Variants in UGT3A1 observed in about 807,000 individuals in gnomAD.
The protein encoded by UGT3A1 is UDP glycosyltransferase family 3 member A1.
In UGT3A1, 40 loss-of-function variants were observed where a neutral mutation model predicts 37.6. The ratio of observed to expected loss-of-function variants is 1.06; its 90% confidence interval spans 0.83 to 1.38. The LOEUF is 1.38. Among genes scored for constraint, UGT3A1 ranks in the 40% most tolerant of loss-of-function variants. The pLI, the probability that UGT3A1 is intolerant of heterozygous loss-of-function variation, is 0.00. For missense variants in UGT3A1, 642 were observed against 634.2 expected, an observed-to-expected ratio of 1.01 and a Z score of -0.13; for synonymous variants, 256 against 232.3, an observed-to-expected ratio of 1.10 and a Z score of -0.93.
chr5:35,954,093 C>T lies in UGT3A1; in HGVS notation c.*109G>A, dbSNP rs1739258983. 1 of 1,193,828 alleles carries T rather than the reference C, an allele frequency of 8.4e-7. No homozygotes were observed. Among genetic ancestry groups the T allele is most frequent in the Admixed American group, 2.2e-5 (1 of 44,574 alleles). The allele number at this position is 1,193,828 out of a possible 1,614,324, so 74.0% of individuals were successfully genotyped here. On this transcript the variant is annotated 3_prime_UTR_variant, in exon 7 of 7. Transcript: ENST00000274278. ...AATAGAAAGAAGCAAGTTGCAGGAT[C>T]AGTGGCAGGTGGAGCTGAAGAGAGA...
intron 5 of UGT3A1, among the ~76,000 whole-genome samples, chr5:35,956,296 C>T (rs776391898): frequency 6.6e-6 from 1 of 152,224 alleles, no homozygotes; most frequent in Non-Finnish European, 1.5e-5. Context: ...TTCCGTATTT[C>T]TAGTTCCTGT....
chr5:35,955,574 C>T (rs745552698), intron 6 of UGT3A1, 71 bp downstream of exon 6: 78 of 1,527,338 alleles, frequency 5.1e-5, no homozygotes, highest in Non-Finnish European at 7.0e-5. Context: ...GTGAAAAATA[C>T]ATACACAGTA....
chr5:35,979,755 C>A (rs1740442637), intron 2 of UGT3A1, among the ~76,000 whole-genome samples: 1 of 152,188 alleles, frequency 6.6e-6, no homozygotes, highest in South Asian at 2.1e-4. Context: ...AGTCTGCTTT[C>A]ATGCTGCTGA....
At chr5:35,996,618 C>T (rs1741102451) in intron 2 of UGT3A1, among the ~76,000 whole-genome samples, 1 of 152,188 alleles carries the variant, frequency 6.6e-6, no homozygotes, top group African/African-American at 2.4e-5. Flanking sequence ...CCTCAACATC[C>T]ATAATGCCCA....
At chr5:35,959,705 A>C (rs1388242058) in intron 4 of UGT3A1, among the ~76,000 whole-genome samples, 1 of 152,170 alleles carries the variant, frequency 6.6e-6, no homozygotes, top group East Asian at 1.9e-4. Flanking sequence ...CAATATGTGC[A>C]CTACGAGAGA....
chr5:35,982,473 C>A (rs1168084820), intron 2 of UGT3A1, among the ~76,000 whole-genome samples: 1 of 152,194 alleles, frequency 6.6e-6, no homozygotes, highest in African/African-American at 2.4e-5. Flanking sequence ...GGCTTCCCTG[C>A]TGGGTTTCAG....
rs1739217132 is a variant in UGT3A1 at position 35,952,520 on chromosome 5, G to T, written c.*1682C>A. 2 of 152,160 alleles carry T rather than the reference G, an allele frequency of 1.3e-5. 1 individual carries two copies. The highest frequency in any genetic ancestry group is 4.1e-4 in the South Asian group (2 of 4,830). 9.4% of individuals were successfully genotyped at this position (152,160 alleles called of 1,614,324 possible). A position where few individuals can be genotyped will look rare whatever the true frequency, so the allele number is the denominator to read the frequency against. Reference sequence around the variant, plus strand: ...TTAGGGATGCAAGTTTATACAAGTGGCATAAAGTTGACCTCAATGAATTAC... The same window carrying T: ...TTAGGGATGCAAGTTTATACAAGTGTCATAAAGTTGACCTCAATGAATTAC... On this transcript the variant is annotated 3_prime_UTR_variant, in exon 7 of 7. Coordinates refer to ENST00000274278, the MANE Select transcript of UGT3A1 (RefSeq NM_152404.4).
intron 1 of UGT3A1, among the ~76,000 whole-genome samples, chr5:35,989,665 G>A (rs1740859521): frequency 6.6e-6 from 1 of 152,168 alleles, no homozygotes; most frequent in Non-Finnish European, 1.5e-5. Flanking sequence ...GACTCAAATG[G>A]CTTTCTGGGG....
At chr5:35,977,335 A>G (rs1580945813) in intron 2 of UGT3A1, among the ~76,000 whole-genome samples, 1 of 152,216 alleles carries the variant, frequency 6.6e-6, no homozygotes, top group Admixed American at 6.5e-5. Context: ...TAAACACAAT[A>G]TGAATGAATC....
chr5:35,960,689 A>T (rs1183679372), intron 4 of UGT3A1: 2 of 152,222 alleles, frequency 1.3e-5, no homozygotes, highest in African/African-American at 4.8e-5. Flanking sequence ...TAACCAGCTC[A>T]ACGCCCTCTT....
At chr5:35,982,863 T>C (rs1488845703) in intron 2 of UGT3A1, among the ~76,000 whole-genome samples, 2 of 152,172 alleles carry the variant, frequency 1.3e-5, no homozygotes, top group African/African-American at 4.8e-5. Flanking sequence ...GATTGGATCA[T>C]GTGTGCAGAT....
At chr5:35,989,446 A>T (rs936300165) in intron 1 of UGT3A1, among the ~76,000 whole-genome samples, 1 of 152,218 alleles carries the variant, frequency 6.6e-6, no homozygotes, top group Non-Finnish European at 1.5e-5. Flanking sequence ...CGAGAGTTTG[A>T]GGATGGAGGT....
At chr5:35,977,771 G>A (rs553278215) in intron 2 of UGT3A1, among the ~76,000 whole-genome samples, 2 of 152,180 alleles carry the variant, frequency 1.3e-5, no homozygotes, top group East Asian at 1.9e-4. Flanking sequence ...ATACAATAAC[G>A]TTAATTAAAA....
chr5:35,979,815 G>T (rs1740445522), intron 2 of UGT3A1, among the ~76,000 whole-genome samples: 1 of 152,160 alleles, frequency 6.6e-6, no homozygotes, highest in Admixed American at 6.6e-5. Context: ...GATATTTAAT[G>T]GACTCACAGT....
intron 2 of UGT3A1, among the ~76,000 whole-genome samples, chr5:35,979,217 C>T (rs1740421547): frequency 6.6e-6 from 1 of 152,108 alleles, no homozygotes; most frequent in Non-Finnish European, 1.5e-5. Context: ...CTTGGCTTCT[C>T]CTTACTTATG....
upstream of UGT3A1, among the ~76,000 whole-genome samples, chr5:35,993,959 A>T (rs1171762859): frequency 6.6e-6 from 1 of 152,074 alleles, no homozygotes; most frequent in Non-Finnish European, 1.5e-5. Context: ...GGGAGTTTCC[A>T]CTTGTTTCCT....
chr5:35,962,732 A>G lies in UGT3A1; in HGVS notation c.843+2654T>C, dbSNP rs1739638011. ...TCACAATGAATGGTTCCTTCCTGAG[A>G]CCAAGCCAGTCCTTCATAATTTGGC... On this transcript the variant is annotated intron_variant, in intron 4 of 6. Coordinates refer to ENST00000274278, the MANE Select transcript of UGT3A1 (RefSeq NM_152404.4). 3 of 600,694 alleles carry G rather than the reference A, an allele frequency of 5.0e-6. No homozygotes were observed. In the South Asian group the frequency reaches 6.0e-5, roughly 12 times the overall value. 37.2% of individuals were successfully genotyped at this position (600,694 alleles called of 1,614,324 possible).
At chr5:35,988,682 A>T in intron 1 of UGT3A1, 131 bp from the exon 2 acceptor site, 1 of 674,374 alleles carries the variant, frequency 1.5e-6, no homozygotes, top group Non-Finnish European at 2.5e-6. Context: ...CAGTGAGAAG[A>T]TGGAGATAAG....
At position 35,965,548 on chromosome 5, in the gene UGT3A1, C is replaced by T. The variant is rs758766264; in HGVS notation, c.681G>A (p.Glu227=). 2.2e-5 allele frequency: 35 copies of T among 1,614,086 alleles called. No homozygotes were observed. The highest frequency in any genetic ancestry group is 2.9e-5 in the Non-Finnish European group (34 of 1,180,046). Residue 227 remains glutamate, a synonymous_variant, in exon 4 of 7, where the codon GAG becomes GAA. Transcript: ENST00000274278. ...MQSTFDNTIK[E]HFPEGSRPVL... is the part of the protein sequence containing the mutation. ...CTGGCCTAGAGCCTTCTGGGAAATGCTCCTTGATGGTGTTGTCAAATGTAG... is the reference window on the plus strand; with the variant it reads ...CTGGCCTAGAGCCTTCTGGGAAATGTTCCTTGATGGTGTTGTCAAATGTAG...
Sources: gnomAD v4.1 joint callset for allele counts (sites outside exome capture counted in the v4.1 genomes callset) on GRCh38, gnomAD v4.1.1 for gene constraint, MANE v1.5 for transcripts, NCBI Gene and HGNC (gene_info 2026-07-23, HGNC 2026-07-21) for gene names.